Variants in PRRC2B observed in about 807,000 individuals in gnomAD.
PRRC2B encodes protein PRRC2B.
In PRRC2B, 68 loss-of-function variants were observed where a neutral mutation model predicts 242.3. The ratio of observed to expected loss-of-function variants is 0.28; its 90% CI spans 0.23 to 0.34. The LOEUF is 0.34. PRRC2B is among the 10% of genes least tolerant of loss of function. The probability of loss-of-function intolerance (pLI) is 1.00; values close to 1 mark genes in which losing one functional copy is unlikely to be tolerated. For synonymous variants in PRRC2B, 1,228 were observed against 1,173.6 expected (o/e 1.05, Z -0.95); for missense variants, 2,835 against 2,954.8 (o/e 0.96, Z 0.94).
In PRRC2B at chr9:131,463,541, AC is replaced by A. The variant is rs1245228706; in HGVS notation, c.1405-1220del. On this transcript the variant is annotated intron_variant, in intron 11 of 31. Coordinates refer to ENST00000683519, the MANE Select transcript of PRRC2B (RefSeq NM_013318.4). ...TCTGCATGCTGCTTGACCCCTGCAG[AC>A]CAGTAAGAAAGGGTCCCAGTAACTG... 1.2e-4 allele frequency among the ~76,000 whole-genome samples: 18 copies of A among 151,710 alleles called. No individual in the cohort carries two copies. The South Asian group carries it at 2.7e-3, about 23-fold the overall frequency.
chr9:131,423,720 C>T (rs1374032762), intron 1 of PRRC2B, among the ~76,000 whole-genome samples: 1 of 152,196 alleles, frequency 6.6e-6, no homozygotes, highest in African/African-American at 2.4e-5. Flanking sequence ...CTTCAGGCTG[C>T]CGGCCCCTGC....
chr9:131,402,938 G>C (rs1250724071), intron 1 of PRRC2B, among the ~76,000 whole-genome samples: 1 of 152,182 alleles, frequency 6.6e-6, no homozygotes, highest in South Asian at 2.1e-4. Context: ...CTGTGCCTCC[G>C]GGAAGCCGGC....
intron 28 of PRRC2B, among the ~76,000 whole-genome samples, chr9:131,489,258 C>T (rs1000382800): frequency 6.6e-6 from 1 of 150,460 alleles, no homozygotes; most frequent in African/African-American, 2.5e-5. Context: ...AATCTCGGCT[C>T]ACTGCAACCT....
chr9:131,415,946 C>T (rs1837636324), intron 1 of PRRC2B, among the ~76,000 whole-genome samples: 1 of 152,008 alleles, frequency 6.6e-6, no homozygotes, highest in Non-Finnish European at 1.5e-5. Flanking sequence ...ATTTCTTCCT[C>T]TCCTTCCCCC....
At chr9:131,472,451 C>G (rs1389719460) in intron 14 of PRRC2B, among the ~76,000 whole-genome samples, 1 of 150,604 alleles carries the variant, frequency 6.6e-6, no homozygotes, top group East Asian at 1.9e-4. Flanking sequence ...ATTACAGGCG[C>G]CCACCACCAC....
Position 131,446,367 on chromosome 9 carries a change from TC to T in PRRC2B, c.614-31del, listed in dbSNP as rs745328857. The T allele has an allele frequency of 1.9e-5, 31 of 1,610,700 alleles. No individual in the cohort carries two copies. Among genetic ancestry groups the T allele is most frequent in the Non-Finnish European group, 2.6e-5 (31 of 1,178,382 alleles). On this transcript the variant is annotated intron_variant, in intron 6 of 31. Coordinates refer to ENST00000683519, the MANE Select transcript of PRRC2B (RefSeq NM_013318.4). This position sits in a 1 kb window ranked among gnomAD's most constrained non-coding sequence, Gnocchi z 4.1. Reference sequence around the variant, plus strand: ...TACGATCCCTCCTTCCCCCTCCTCTTCCCTCTCCCCTTTTGCCCCCTTTCAA... The same window carrying T: ...TACGATCCCTCCTTCCCCCTCCTCTTCCTCTCCCCTTTTGCCCCCTTTCAA...
At chr9:131,451,354 G>A (rs143805218) in intron 9 of PRRC2B, among the ~76,000 whole-genome samples, 181 of 152,130 alleles carry the variant, frequency 1.2e-3, no homozygotes, top group African/African-American at 4.2e-3. Context: ...AGCCAGGATC[G>A]TGCCACTGCA....
intron 1 of PRRC2B, among the ~76,000 whole-genome samples, chr9:131,377,696 A>G (rs536115702): frequency 1.6e-4 from 25 of 152,270 alleles, no homozygotes; most frequent in Admixed American, 4.6e-4. Context: ...CGAGGTGGAA[A>G]GATTTTCTTC....
At chr9:131,411,997 G>A (rs1335967118) in intron 1 of PRRC2B, among the ~76,000 whole-genome samples, 1 of 151,162 alleles carries the variant, frequency 6.6e-6, no homozygotes, top group Non-Finnish European at 1.5e-5. Flanking sequence ...TGTAGAGATG[G>A]CGTCTTGCTG....
At chr9:131,417,401 G>A (rs1290387393) in intron 1 of PRRC2B, among the ~76,000 whole-genome samples, 1 of 152,058 alleles carries the variant, frequency 6.6e-6, no homozygotes, top group Non-Finnish European at 1.5e-5. Context: ...CAGTGGGGGA[G>A]GGAAGGGGCC....
upstream of PRRC2B, among the ~76,000 whole-genome samples, chr9:131,393,893 G>GCTCCCCGCCC (rs1443220172): frequency 3.5e-5 from 5 of 144,756 alleles, no homozygotes; most frequent in African/African-American, 1.3e-4. Context: ...CCCTCCCGCC[G>GCTCCCCGCCC]CTCCCCGCCC....
rs554812743 is a variant in PRRC2B at position 131,453,627 on chromosome 9, G to C, written c.1121-1449G>C. On this transcript the variant is annotated intron_variant, in intron 9 of 31. Coordinates refer to ENST00000683519, the MANE Select transcript of PRRC2B (RefSeq NM_013318.4). ...GCTCACTGCAACGTCAACTTCCTGG[G>C]CTTAGGTGATTCTCTCACCTCAGCC... is the stretch of plus-strand genomic sequence containing the variant. Among the ~76,000 whole-genome samples, 4 of 152,234 alleles carry C rather than the reference G, an allele frequency of 2.6e-5. No individual in the cohort carries two copies. The South Asian group carries it at 8.3e-4, about 32-fold the overall frequency.
At position 131,379,937 on chromosome 9, in the gene PRRC2B, T is replaced by C. The variant is rs572158146; in HGVS notation, c.-56+6206T>C. Among the ~76,000 whole-genome samples, 4 of 151,004 alleles carry C rather than the reference T, an allele frequency of 2.6e-5. No homozygotes were observed. The East Asian group carries it at 5.8e-4, about 22-fold the overall frequency. On this transcript the variant is annotated intron_variant, in intron 1 of 1. Coordinates refer to the PRRC2B transcript ENST00000682525. ...CCGCACCCAGCCAGCCTTTTTTTTT[T>C]CAGTGGTTGTTTGCCTTTTTGTTCT...
rs1016840485 is a variant in PRRC2B, at chr9:131,487,777, C to T, written c.5985-79C>T. The T allele has an allele frequency of 1.1e-5, 17 of 1,537,326 alleles. No individual in the cohort carries two copies. The highest frequency in any genetic ancestry group is 4.6e-5 in the East Asian group (2 of 43,880). Reference sequence around the variant, plus strand: ...GGGATCTGTGGTTTAGCAAGCTCTCCGGGGATCTCTGAAGGGTGGGACCAG... The same window carrying T: ...GGGATCTGTGGTTTAGCAAGCTCTCTGGGGATCTCTGAAGGGTGGGACCAG... On this transcript the variant is annotated intron_variant, in intron 27 of 31. Transcript: ENST00000683519. This position sits in a 1 kb window ranked among gnomAD's most constrained non-coding sequence, Gnocchi z 5.3.
intron 9 of PRRC2B, among the ~76,000 whole-genome samples, chr9:131,448,815 A>T (rs768680477): frequency 2.6e-5 from 4 of 152,028 alleles, no homozygotes; most frequent in Non-Finnish European, 5.9e-5. Flanking sequence ...AGTAGATTTA[A>T]ATTATAGTGA....
rs922275931 is a variant in PRRC2B at position 131,494,953 on chromosome 9, C to G, written c.6555+467C>G. Among the ~76,000 whole-genome samples the G allele has an allele frequency of 6.6e-6, 1 of 152,222 alleles. No individual in the cohort carries two copies. The highest frequency in any genetic ancestry group is 2.4e-5 in the African/African-American group (1 of 41,452). ...ATCGCAGTGTCTTTTCCTGCACGCA[C>G]TATTCTCTTCTCTATTCTCTAAAAC... On this transcript the variant is annotated intron_variant, in intron 31 of 31. Coordinates refer to ENST00000683519, the MANE Select transcript of PRRC2B (RefSeq NM_013318.4). The surrounding 1 kb of genome is among the most constrained non-coding windows in gnomAD (Gnocchi z 4.3).
rs901592944 is a variant in PRRC2B, at chr9:131,425,001, C to T, written c.-51-5093C>T. 2.6e-5 allele frequency among the ~76,000 whole-genome samples: 4 copies of T among 152,146 alleles called. No individual in the cohort carries two copies. The South Asian group carries it at 8.3e-4, about 32-fold the overall frequency. On this transcript the variant is annotated intron_variant, in intron 1 of 31. Transcript: ENST00000683519. ...TTGTTTTTTGAGATGGATTCTCACT[C>T]TGCTGCCCAGGCTGGAGTGCAATGG...
chr9:131,457,001 C>G (rs1007421732), intron 10 of PRRC2B, among the ~76,000 whole-genome samples: 1 of 152,076 alleles, frequency 6.6e-6, no homozygotes, highest in Non-Finnish European at 1.5e-5. Flanking sequence ...AAATATTTTT[C>G]TCTGTTTTCT....
At chr9:131,449,770 G>T (rs1942852162) in intron 9 of PRRC2B, among the ~76,000 whole-genome samples, 1 of 152,010 alleles carries the variant, frequency 6.6e-6, no homozygotes, top group South Asian at 2.1e-4. Context: ...GGGTTTTTTT[G>T]TGGTTATTAT....
Sources: allele counts gnomAD v4.1 joint callset (sites outside exome capture counted in the v4.1 genomes callset), GRCh38; gene constraint gnomAD v4.1.1; non-coding constraint Gnocchi (gnomAD v3.1); transcripts MANE v1.5; gene names NCBI Gene and HGNC (gene_info 2026-07-23, HGNC 2026-07-21).